SGK3: variants seen among roughly 807,000 people sequenced by gnomAD.
The protein encoded by SGK3 is serine/threonine-protein kinase Sgk3.
Under a neutral mutation model 68.5 loss-of-function variants are expected in SGK3, and 47 were observed. The observed-to-expected ratio is 0.69, with a 90% CI of 0.54 to 0.87. The LOEUF (loss-of-function observed/expected upper bound fraction) is 0.87, where lower values mean the gene tolerates loss of function less well. Among genes scored for constraint, SGK3 ranks in the 40% least tolerant of loss-of-function variants. SGK3 has a pLI of 0.00. For missense variants in SGK3, 479 were observed against 575.5 expected (o/e 0.83, Z 1.72); for synonymous variants, 181 against 189.1 (o/e 0.96, Z 0.35).
chr8:66,729,958 CT>C (rs1324859868), intron 1 of SGK3, among the ~76,000 whole-genome samples: 1 of 151,956 alleles, frequency 6.6e-6, no homozygotes, highest in African/African-American at 2.4e-5. Flanking sequence ...GTTGGCCAGT[CT>C]TCAAACTCTC....
intron 2 of SGK3, among the ~76,000 whole-genome samples, chr8:66,794,667 TCTTA>T (rs1807602349): frequency 6.6e-6 from 1 of 152,206 alleles, no homozygotes; most frequent in South Asian, 2.1e-4. Context: ...ACTTTCTTTC[TCTTA>T]CTTGAACACG....
chr8:66,852,488 G>C (rs1309390905), intron 16 of SGK3, among the ~76,000 whole-genome samples: 2 of 151,992 alleles, frequency 1.3e-5, no homozygotes, highest in Non-Finnish European at 1.5e-5. Context: ...CACCATGTTG[G>C]CCAGATGGTG....
At chr8:66,768,812 G>C (rs76334012) in intron 1 of SGK3, among the ~76,000 whole-genome samples, 2 of 152,016 alleles carry the variant, frequency 1.3e-5, no homozygotes, top group African/African-American at 4.8e-5. Context: ...TGATCTGCCC[G>C]TTGCCCTCCT....
chr8:66,853,776 A>AT (rs1563661939), intron 16 of SGK3, among the ~76,000 whole-genome samples: 27 of 152,172 alleles, frequency 1.8e-4, no homozygotes. Flanking sequence ...TGGTTGCTTA[A>AT]TTTTATTCTC....
chr8:66,810,738 A>T (rs1169340679), intron 4 of SGK3, among the ~76,000 whole-genome samples: 3 of 152,156 alleles, frequency 2.0e-5, no homozygotes, highest in Non-Finnish European at 2.9e-5. Context: ...CATACCTGAG[A>T]AAAACATTCT....
chr8:66,854,246 G>A (rs987160740), intron 16 of SGK3, among the ~76,000 whole-genome samples: 9 of 152,044 alleles, frequency 5.9e-5, no homozygotes, highest in Non-Finnish European at 1.0e-4. Context: ...CCCTACTTTA[G>A]GAATTTCTGT....
intron 1 of SGK3, among the ~76,000 whole-genome samples, chr8:66,782,087 A>G (rs1807009780): frequency 6.6e-6 from 1 of 152,218 alleles, no homozygotes; most frequent in African/African-American, 2.4e-5. Flanking sequence ...ATTTGGAGCT[A>G]GTATCCTGAG....
At chr8:66,830,214 G>T (rs1031929090) in intron 7 of SGK3, among the ~76,000 whole-genome samples, 1 of 152,200 alleles carries the variant, frequency 6.6e-6, no homozygotes, top group Non-Finnish European at 1.5e-5. Context: ...GTGAGGCTTG[G>T]AGTATGGCCT....
intron 6 of SGK3, among the ~76,000 whole-genome samples, chr8:66,826,706 G>T (rs771823848): frequency 1.3e-5 from 2 of 151,702 alleles, no homozygotes; most frequent in Non-Finnish European, 2.9e-5. Flanking sequence ...ATGCAGTGCC[G>T]CTATCTCAGC....
chr8:66,793,065 A>G (rs1357527117), intron 1 of SGK3, among the ~76,000 whole-genome samples: 1 of 152,212 alleles, frequency 6.6e-6, no homozygotes, highest in Non-Finnish European at 1.5e-5. Flanking sequence ...GATCTACTGT[A>G]GTGTCTCTGA....
intron 1 of SGK3, among the ~76,000 whole-genome samples, chr8:66,766,190 G>A (rs990125253): frequency 1.3e-5 from 2 of 152,012 alleles, no homozygotes; most frequent in African/African-American, 2.4e-5. Flanking sequence ...GTGTACACAT[G>A]GAAAGTATAT....
intron 1 of SGK3, among the ~76,000 whole-genome samples, chr8:66,750,796 G>A (rs1388407202): frequency 6.6e-6 from 1 of 150,940 alleles, no homozygotes; most frequent in Non-Finnish European, 1.5e-5. Flanking sequence ...CTTGAGCCCA[G>A]GAGTTTGAGA....
chr8:66,831,602 GTGC>G (rs1216585558), intron 8 of SGK3, among the ~76,000 whole-genome samples: 2 of 152,172 alleles, frequency 1.3e-5, no homozygotes, highest in African/African-American at 4.8e-5. Context: ...GCCTCCCAAA[GTGC>G]TGGGATTACA....
chr8:66,747,429 A>G (rs1805685338), intron 1 of SGK3, among the ~76,000 whole-genome samples: 1 of 152,224 alleles, frequency 6.6e-6, no homozygotes, highest in African/African-American at 2.4e-5. Context: ...AATATATGGT[A>G]CAGAATGCCT....
At chr8:66,843,007 G>C (rs1478538774) in intron 13 of SGK3, among the ~76,000 whole-genome samples, 1 of 152,148 alleles carries the variant, frequency 6.6e-6, no homozygotes, top group African/African-American at 2.4e-5. Context: ...GGAAGTCAAG[G>C]CTGCAGTGAG....
intron 16 of SGK3, among the ~76,000 whole-genome samples, chr8:66,853,150 A>G (rs1423217579): frequency 6.6e-6 from 1 of 152,058 alleles, no homozygotes; most frequent in Non-Finnish European, 1.5e-5. Context: ...CCTTTTTTTA[A>G]TTCTTTTCCC....
chr8:66,815,456 GTC>G (rs2130648456), intron 5 of SGK3, among the ~76,000 whole-genome samples: 1 of 152,272 alleles, frequency 6.6e-6, no homozygotes, highest in East Asian at 1.9e-4. Flanking sequence ...TCAGTAAAAA[GTC>G]TTACTATTTG....
At chr8:66,847,137 C>A in intron 14 of SGK3, 56 bp from the exon 15 acceptor site, 2 of 1,572,270 alleles carry the variant, frequency 1.3e-6, no homozygotes, top group South Asian at 1.2e-5. Context: ...CATTTTAACC[C>A]CATTTGCGCA....
chr8:66,754,727 TCG>T (rs1162630536), intron 1 of SGK3, among the ~76,000 whole-genome samples: 1 of 152,264 alleles, frequency 6.6e-6, no homozygotes, highest in Non-Finnish European at 1.5e-5. Flanking sequence ...CACTATCTCA[TCG>T]CCCACGTGGA....
Sources: allele counts gnomAD v4.1 joint callset (sites outside exome capture counted in the v4.1 genomes callset), GRCh38; gene constraint gnomAD v4.1.1; transcripts MANE v1.5; gene names NCBI Gene and HGNC (gene_info 2026-07-23, HGNC 2026-07-21).